The following EBAG9 variants were observed in gnomAD, a reference collection of about 807,000 sequenced individuals.
EBAG9 encodes the protein receptor-binding cancer antigen expressed on SiSo cells.
In EBAG9, 16 loss-of-function variants were observed where a neutral mutation model predicts 30.9. The observed-to-expected ratio is 0.52, with a 90% CI of 0.35 to 0.79. The LOEUF (loss-of-function observed/expected upper bound fraction) is 0.79, where lower values mean the gene tolerates loss of function less well. EBAG9 is among the 30% of genes least tolerant of loss of function. The pLI is 0.01. For missense variants in EBAG9, 197 were observed against 242.1 expected (o/e 0.81, Z 1.24); for synonymous variants, 93 against 82.8 (o/e 1.12, Z -0.67).
In EBAG9 at chr8:109,541,542, A is replaced by G. The variant is rs114060820; in HGVS notation, c.-16+1081A>G. Among the ~76,000 whole-genome samples, 947 of 152,312 alleles carry G rather than the reference A, an allele frequency of 6.2e-3. 12 individuals carry two copies. Among genetic ancestry groups the G allele is most frequent in the African/African-American group, 0.022 (905 of 41,554 alleles). On this transcript the variant is annotated intron_variant, in intron 1 of 6. Transcript: ENST00000337573. ...CATTGTCTTGAGCGTTCAAGTGCTC[A>G]AGGAATGTTAGTTTCCTTCCATTCA...
Position 109,565,890 on chromosome 8 carries a change from T to A in EBAG9, c.*1331T>A, listed in dbSNP as rs2056339950. The A allele has an allele frequency of 6.6e-6, 1 of 152,154 alleles. No homozygotes were observed. The highest frequency in any genetic ancestry group is 2.1e-4 in the South Asian group (1 of 4,836). The allele number at this position is 152,154 out of a possible 1,614,324, so 9.4% of individuals were successfully genotyped here. On this transcript the variant is annotated 3_prime_UTR_variant, in exon 7 of 7. Transcript: ENST00000337573. Reference sequence around the variant, plus strand: ...TTTCAGACTAAATGTGATTATAGAATAAGATGAAAGTTAACTTTGGTACAG... The same window carrying A: ...TTTCAGACTAAATGTGATTATAGAAAAAGATGAAAGTTAACTTTGGTACAG...
Position 109,565,534 on chromosome 8 carries a change from T to G in EBAG9, c.*975T>G, listed in dbSNP as rs538844385. ...CATTAAATCATAAAGGTGGGAATAA[T>G]AATCTTTTATTTATGATGTTGATTG... On this transcript the variant is annotated 3_prime_UTR_variant, in exon 7 of 7. Coordinates refer to ENST00000337573, the MANE Select transcript of EBAG9 (RefSeq NM_004215.5). 1 of 152,104 alleles carries G rather than the reference T, an allele frequency of 6.6e-6. No individual in the cohort carries two copies. The highest frequency in any genetic ancestry group is 1.9e-4 in the East Asian group (1 of 5,188). 9.4% of individuals were successfully genotyped at this position (152,104 alleles called of 1,614,324 possible). A position where few individuals can be genotyped will look rare whatever the true frequency, so the allele number is the denominator to read the frequency against.
intron 5 of EBAG9, among the ~76,000 whole-genome samples, chr8:109,558,336 G>A (rs1169996079): frequency 4.6e-5 from 7 of 152,076 alleles, no homozygotes; most frequent in African/African-American, 9.7e-5. Flanking sequence ...GATCACACAC[G>A]TCAATATAAT....
intron 1 of EBAG9, among the ~76,000 whole-genome samples, chr8:109,548,322 T>TC (rs980520798): frequency 6.6e-6 from 1 of 152,174 alleles, no homozygotes; most frequent in African/African-American, 2.4e-5. Flanking sequence ...GTGGGTCTAT[T>TC]CCTTTACTTT....
chr8:109,556,875 C>T, intron 4 of EBAG9, 60 bp from the exon 5 acceptor site: 5 of 827,824 alleles, frequency 6.0e-6, no homozygotes, highest in Non-Finnish European at 8.8e-6. Flanking sequence ...TTTTGGTTGT[C>T]TATTTTTATG....
At chr8:109,560,342 A>T (rs1821685640) in intron 5 of EBAG9, among the ~76,000 whole-genome samples, 1 of 152,208 alleles carries the variant, frequency 6.6e-6, no homozygotes, top group South Asian at 2.1e-4. Context: ...AAGTGCCAAT[A>T]AAAAATCTCC....
Position 109,564,708 on chromosome 8 carries a change from A to G in EBAG9, c.*149A>G. ...CATCCAGGACACCACGATTCTCCCA[A>G]AGTACCTTGAACTCTTAGTGATTGA... On this transcript the variant is annotated 3_prime_UTR_variant, in exon 7 of 7. Coordinates refer to ENST00000337573, the MANE Select transcript of EBAG9 (RefSeq NM_004215.5). 1 of 1,128,498 alleles carries G rather than the reference A, an allele frequency of 8.9e-7. No individual in the cohort carries two copies. The highest frequency in any genetic ancestry group is 1.8e-5 in the South Asian group (1 of 57,134). The allele number at this position is 1,128,498 out of a possible 1,614,324, so 69.9% of individuals were successfully genotyped here. A position where few individuals can be genotyped will look rare whatever the true frequency, so the allele number is the denominator to read the frequency against.
intron 3 of EBAG9, 51 bp from the exon 4 acceptor site, chr8:109,554,678 G>A: frequency 6.4e-7 from 1 of 1,560,610 alleles, no homozygotes; most frequent in Non-Finnish European, 8.7e-7. Flanking sequence ...TCAATGATGT[G>A]TTCATTAAGT....
chr8:109,545,993 G>A (rs1237280119), intron 1 of EBAG9, among the ~76,000 whole-genome samples: 1 of 152,194 alleles, frequency 6.6e-6, no homozygotes, highest in Admixed American at 6.5e-5. Flanking sequence ...TAATCACTAA[G>A]AAGAATGCTT....
chr8:109,554,003 C>G, intron 3 of EBAG9, 60 bp downstream of exon 3: 2 of 1,252,778 alleles, frequency 1.6e-6, no homozygotes, highest in Non-Finnish European at 2.2e-6. Context: ...AATAAGTGTC[C>G]TAGAACAATA....
rs189478650 is a variant in EBAG9 at position 109,544,243 on chromosome 8, C to A, written c.-16+3782C>A. Among the ~76,000 whole-genome samples, 9 of 151,978 alleles carry A rather than the reference C, an allele frequency of 5.9e-5. No homozygotes were observed. In the East Asian group the frequency reaches 1.7e-3, roughly 29 times the overall value. ...ATTATTACTTAAGTTAGGTTTTATC[C>A]GCTTTTAAGTAAGTATGTGTAGAAC... On this transcript the variant is annotated intron_variant, in intron 1 of 6. Transcript: ENST00000337573.
intron 1 of EBAG9, among the ~76,000 whole-genome samples, chr8:109,547,632 G>GACCAT: frequency 6.6e-6 from 1 of 151,714 alleles, no homozygotes; most frequent in Non-Finnish European, 1.5e-5. Context: ...AGGTGCCCGC[G>GACCAT]ACCATGCCCG....
Position 109,565,113 on chromosome 8 carries a change from T to C in EBAG9, c.*554T>C, listed in dbSNP as rs1821800525. 2 of 152,524 alleles carry C rather than the reference T, an allele frequency of 1.3e-5. No homozygotes were observed. Among genetic ancestry groups the C allele is most frequent in the African/African-American group, 4.8e-5 (2 of 41,444 alleles). The allele number at this position is 152,524 out of a possible 1,614,324, so 9.4% of individuals were successfully genotyped here. ...GATACAACATTAAGGAATTTGATGA[T>C]TTTCATTTCATGAAAATGACATTAA... On this transcript the variant is annotated 3_prime_UTR_variant, in exon 7 of 7. Transcript: ENST00000337573.
intron 1 of EBAG9, among the ~76,000 whole-genome samples, chr8:109,548,890 T>TC (rs1586687873): frequency 1.3e-5 from 2 of 148,152 alleles, no homozygotes; most frequent in African/African-American, 2.4e-5. Context: ...CTTTTTTCTT[T>TC]TTTTTTTTTT....
At chr8:109,549,196 A>G (rs1447710143) in intron 1 of EBAG9, among the ~76,000 whole-genome samples, 1 of 151,842 alleles carries the variant, frequency 6.6e-6, no homozygotes, top group Non-Finnish European at 1.5e-5. Context: ...TAATATAGTG[A>G]ATGACATTTG....
chr8:109,548,211 A>G (rs1821424102), intron 1 of EBAG9, among the ~76,000 whole-genome samples: 1 of 152,036 alleles, frequency 6.6e-6, no homozygotes, highest in Non-Finnish European at 1.5e-5. Flanking sequence ...CCATATGGAT[A>G]TGGATATCCA....
intron 1 of EBAG9, among the ~76,000 whole-genome samples, chr8:109,546,719 G>C (rs568881822): frequency 6.6e-6 from 1 of 152,242 alleles, no homozygotes; most frequent in Non-Finnish European, 1.5e-5. Flanking sequence ...GTGGCCCAGG[G>C]AAGCCAAAAG....
intron 4 of EBAG9, among the ~76,000 whole-genome samples, chr8:109,555,243 T>C (rs1337313243): frequency 6.6e-6 from 1 of 152,152 alleles, no homozygotes; most frequent in Non-Finnish European, 1.5e-5. Flanking sequence ...GTTTGGTTTT[T>C]TGTCCTTGCG....
Position 109,564,690 on chromosome 8 carries a change from G to T in EBAG9, c.*131G>T. Reference sequence around the variant, plus strand: ...TTAATACATTGATCAGGCCATCCAGGACACCACGATTCTCCCAAAGTACCT... The same window carrying T: ...TTAATACATTGATCAGGCCATCCAGTACACCACGATTCTCCCAAAGTACCT... On this transcript the variant is annotated 3_prime_UTR_variant, in exon 7 of 7. Coordinates refer to ENST00000337573, the MANE Select transcript of EBAG9 (RefSeq NM_004215.5). The T allele has an allele frequency of 5.4e-5, 70 of 1,304,944 alleles. No homozygotes were observed. Among genetic ancestry groups the T allele is most frequent in the Middle Eastern group, 2.1e-4 (1 of 4,706 alleles). 80.8% of individuals were successfully genotyped at this position (1,304,944 alleles called of 1,614,324 possible).
Sources: allele counts gnomAD v4.1 joint callset (sites outside exome capture counted in the v4.1 genomes callset), GRCh38; gene constraint gnomAD v4.1.1; transcripts MANE v1.5; gene names NCBI Gene and HGNC (gene_info 2026-07-23, HGNC 2026-07-21).